The following LVRN variants were observed in gnomAD, a reference collection of about 807,000 sequenced individuals.
LVRN encodes the protein laeverin, also known as aminopeptidase Q.
In LVRN, 99 loss-of-function variants were observed where a neutral mutation model predicts 111.4. That is an observed-to-expected ratio of 0.89 (90% CI 0.76 to 1.05). The LOEUF (loss-of-function observed/expected upper bound fraction) is 1.05. Ranked by LOEUF, LVRN falls within the 50% of genes least tolerant of loss-of-function variation. LVRN has a pLI of 0.00. For missense variants in LVRN, 1,414 were observed against 1,206.8 expected (o/e 1.17, Z -2.54); for synonymous variants, 488 against 449.5 (o/e 1.09, Z -1.08).
intron 1 of LVRN, chr5:115,975,619 C>T (rs10078482): frequency 0.56 from 87,248 of 155,898 alleles, 25,383 homozygotes; most frequent in East Asian, 0.74. Flanking sequence ...ATTGGCCATG[C>T]CTGTGACCGA....
chr5:116,005,230 G>C (rs1748334862), intron 12 of LVRN, among the ~76,000 whole-genome samples: 1 of 152,224 alleles, frequency 6.6e-6, no homozygotes. Context: ...GAAATGCTGT[G>C]AAGATAAAGT....
At chr5:115,966,632 T>G (rs1322538564) in intron 1 of LVRN, among the ~76,000 whole-genome samples, 1 of 152,242 alleles carries the variant, frequency 6.6e-6, no homozygotes, top group Non-Finnish European at 1.5e-5. Context: ...GGTTTTTGTG[T>G]GAACACAGTA....
intron 1 of LVRN, chr5:115,974,808 G>A (rs1297385035): frequency 1.4e-5 from 4 of 293,378 alleles, no homozygotes; most frequent in Non-Finnish European, 1.4e-5. Context: ...ACCTCAGGAT[G>A]TTATGTCAGT....
rs561912269 is a variant in LVRN, at chr5:115,999,243, T to G, written c.1375-519T>G. Among the ~76,000 whole-genome samples the G allele has an allele frequency of 2.0e-5, 3 of 152,248 alleles. No individual in the cohort carries two copies. In the South Asian group the frequency reaches 6.2e-4, roughly 31 times the overall value. On this transcript the variant is annotated intron_variant, in intron 6 of 19. Transcript: ENST00000357872. ...TGGTTTTTATTAAAATATAATAAAT[T>G]GCCTTATCTTAATGCATGAGCCATA...
Position 116,015,248 on chromosome 5 carries a change from A to G in LVRN, c.2451-4A>G. The G allele has an allele frequency of 6.4e-7, 1 of 1,569,550 alleles. No individual in the cohort carries two copies. The highest frequency in any genetic ancestry group is 1.2e-5 in the South Asian group (1 of 82,390). On this transcript the variant is annotated splice_polypyrimidine_tract_variant and splice_region_variant and intron_variant, in intron 16 of 19. Coordinates refer to ENST00000357872, the MANE Select transcript of LVRN (RefSeq NM_173800.5). ...AAAATATCATTTTATGTTATATTTT[A>G]CAGAATACCTTATCCAATTAAAGAT...
intron 4 of LVRN, among the ~76,000 whole-genome samples, chr5:115,991,235 C>G (rs1747978882): frequency 6.6e-6 from 1 of 152,176 alleles, no homozygotes; most frequent in South Asian, 2.1e-4. Context: ...TGACAACCAC[C>G]AATCTTTTTA....
chr5:116,011,021 A>ATCTTTTCTTCTTTGTTTGT, intron 14 of LVRN, 127 bp downstream of exon 14: 2 of 164,776 alleles, frequency 1.2e-5, no homozygotes, highest in Non-Finnish European at 2.0e-5. Context: ...ATATATATAT[A>ATCTTTTCTTCTTTGTTTGT]TATATGGAAG....
chr5:115,985,406 T>C (rs1747835517), intron 3 of LVRN, among the ~76,000 whole-genome samples: 1 of 152,094 alleles, frequency 6.6e-6, no homozygotes, highest in Admixed American at 6.6e-5. Context: ...CCAGGGCTTA[T>C]ATCTTGGGGG....
At position 115,963,191 on chromosome 5, in the gene LVRN, C is replaced by T. The variant is rs752119554; in HGVS notation, c.574C>T (p.Leu192Phe). The T allele has an allele frequency of 7.4e-6, 12 of 1,612,822 alleles. No homozygotes were observed. The highest frequency in any genetic ancestry group is 8.5e-6 in the Non-Finnish European group (10 of 1,179,766). ...ALDTEYMVLE[L>F]SEPLKPGSSY... is the part of the protein sequence containing the mutation. ...GGACACGGAATACATGGTGCTGGAG[C>T]TCAGTGAGCCCCTGAAACCTGGTAG... is the stretch of plus-strand genomic sequence containing the variant. The change falls in exon 1 of 20, where the codon CTC becomes TTC. Residue 192 changes from leucine to phenylalanine, a missense_variant. By Grantham distance (22) the Leu-to-Phe change is conservative. Coordinates refer to ENST00000357872, the MANE Select transcript of LVRN (RefSeq NM_173800.5).
chr5:116,021,661 C>T lies in LVRN; in HGVS notation c.2757-730C>T, dbSNP rs1396390811. The T allele has an allele frequency of 6.9e-6, 3 of 436,408 alleles. No homozygotes were observed. The East Asian group carries it at 2.1e-4, about 31-fold the overall frequency. The allele number at this position is 436,408 out of a possible 1,614,324, so 27.0% of individuals were successfully genotyped here. A position where few individuals can be genotyped will look rare whatever the true frequency, so the allele number is the denominator to read the frequency against. On this transcript the variant is annotated intron_variant, in intron 18 of 19. Coordinates refer to ENST00000357872, the MANE Select transcript of LVRN (RefSeq NM_173800.5). ...CTATTCAACTGTCTCTTGGTCAGTC[C>T]ATTATAATAACCCTATTTTAATTTT...
chr5:116,025,835 C>A, intron 19 of LVRN, 143 bp from the exon 20 acceptor site: 1 of 1,032,956 alleles, frequency 9.7e-7, no homozygotes, highest in Non-Finnish European at 1.4e-6. Flanking sequence ...CCCAGGGACA[C>A]ACAACCTAGG....
At chr5:116,010,548 T>A (rs17138646) in intron 13 of LVRN, 193 bp from the exon 14 acceptor site, 1 of 648,774 alleles carries the variant, frequency 1.5e-6, no homozygotes, top group South Asian at 1.5e-5. Flanking sequence ...AAGTACCAAA[T>A]TGAAATGGAA....
chr5:116,025,429 A>T (rs1214305640), intron 19 of LVRN, among the ~76,000 whole-genome samples: 1 of 152,214 alleles, frequency 6.6e-6, no homozygotes, highest in African/African-American at 2.4e-5. Flanking sequence ...ATAACTTATT[A>T]TTCACTTGGA....
At chr5:115,966,324 C>G (rs187147105) in intron 1 of LVRN, among the ~76,000 whole-genome samples, 64 of 152,270 alleles carry the variant, frequency 4.2e-4, no homozygotes, top group African/African-American at 1.5e-3. Flanking sequence ...ATCCTTTAGA[C>G]CTTTCTGACT....
chr5:115,996,489 A>T (rs1004335103), intron 6 of LVRN, among the ~76,000 whole-genome samples: 6 of 152,192 alleles, frequency 3.9e-5, no homozygotes, highest in African/African-American at 1.4e-4. Context: ...GTTTTTAAAA[A>T]GCTTAAGCTC....
At chr5:115,965,101 T>C (rs1753175024) in intron 1 of LVRN, among the ~76,000 whole-genome samples, 1 of 152,202 alleles carries the variant, frequency 6.6e-6, no homozygotes, top group African/African-American at 2.4e-5. Flanking sequence ...CTGTCAACTA[T>C]TAGAGTACTG....
At chr5:115,965,250 T>A (rs1286926548) in intron 1 of LVRN, among the ~76,000 whole-genome samples, 1 of 152,198 alleles carries the variant, frequency 6.6e-6, no homozygotes, top group African/African-American at 2.4e-5. Flanking sequence ...CTGGTATATA[T>A]GAGTCTAAGA....
At chr5:116,012,560 T>C in intron 15 of LVRN, 92 bp downstream of exon 15, 1 of 777,380 alleles carries the variant, frequency 1.3e-6, no homozygotes, top group South Asian at 1.9e-5. Flanking sequence ...ATATCTGTTA[T>C]TCATTGAGAG....
chr5:115,962,572 CCA>C lies in LVRN; in HGVS notation c.-43_-42del. On this transcript the variant is annotated 5_prime_UTR_variant, in exon 1 of 20. Transcript: ENST00000357872. ...ACCCTGGCCGGGGTTTTGACAGCTG[CCA>C]CAGTCTCTGAGCTCCAGCCTCGCGC... 1 of 1,547,790 alleles carries C rather than the reference CCA, an allele frequency of 6.5e-7. No individual in the cohort carries two copies. The highest frequency in any genetic ancestry group is 8.7e-7 in the Non-Finnish European group (1 of 1,143,060).
Sources: allele counts gnomAD v4.1 joint callset (sites outside exome capture counted in the v4.1 genomes callset), GRCh38; gene constraint gnomAD v4.1.1; transcripts MANE v1.5; gene names NCBI Gene and HGNC (gene_info 2026-07-23, HGNC 2026-07-21).